Variants in KIRREL2 observed in about 807,000 individuals in gnomAD.
KIRREL2 encodes kin of IRRE-like protein 2.
KIRREL2 carries 56 observed loss-of-function variants against 73.4 expected under a neutral mutation model. That is an observed-to-expected ratio of 0.76 (90% CI 0.62 to 0.95). The LOEUF is 0.95. KIRREL2 is among the 40% of genes least tolerant of loss of function. The pLI is 0.00. For missense variants in KIRREL2, 896 were observed against 935.0 expected, an observed-to-expected ratio of 0.96 and a Z score of 0.54; for synonymous variants, 407 against 404.0, an observed-to-expected ratio of 1.01 and a Z score of -0.09.
chr19:35,858,892 T>G (rs996852482), intron 4 of KIRREL2, 28 bp downstream of exon 4: 1 of 1,611,976 alleles, frequency 6.2e-7, no homozygotes, highest in Admixed American at 1.7e-5. Flanking sequence ...GTGCTAGCCT[T>G]TGCCCATTGA....
chr19:35,866,061 C>T (rs537683764), intron 14 of KIRREL2, 96 bp from the exon 15 acceptor site: 3 of 1,211,128 alleles, frequency 2.5e-6, no homozygotes, highest in South Asian at 2.8e-5. Flanking sequence ...TTTTGTCTCT[C>T]TCAAGGTCTG....
chr19:35,852,776 C>CTCTT (rs754644769), upstream of KIRREL2, among the ~76,000 whole-genome samples: 6 of 152,066 alleles, frequency 3.9e-5, no homozygotes, highest in East Asian at 1.9e-4. Context: ...CTTGGCAAGT[C>CTCTT]TCTTTCTTTC....
chr19:35,859,328 G>A (rs1456048372), intron 4 of KIRREL2, among the ~76,000 whole-genome samples, 153 bp from the exon 5 acceptor site: 1 of 152,112 alleles, frequency 6.6e-6, no homozygotes, highest in African/African-American at 2.4e-5. Flanking sequence ...AAAACATTAT[G>A]AGACTTTTTT....
intron 1 of KIRREL2, 27 bp downstream of exon 1, chr19:35,857,207 A>AGG: frequency 2.0e-6 from 1 of 494,426 alleles, no homozygotes; most frequent in Admixed American, 2.5e-5. Context: ...GCGGAGGAAT[A>AGG]TGGGGTGGGG....
At chr19:35,862,879 C>A in intron 12 of KIRREL2, 48 bp from the exon 13 acceptor site, 1 of 1,146,974 alleles carries the variant, frequency 8.7e-7, no homozygotes, top group Non-Finnish European at 1.3e-6. Context: ...GGTCTGCACA[C>A]ATTGTGACCC....
chr19:35,856,749 A>T (rs567188258), upstream of KIRREL2: 9 of 387,080 alleles, frequency 2.3e-5, no homozygotes, highest in South Asian at 1.9e-4. This position sits in a 1 kb window ranked among gnomAD's most constrained non-coding sequence, Gnocchi z 5.9. Context: ...CGGCTCCCAG[A>T]CCCCAATTGA....
upstream of KIRREL2, among the ~76,000 whole-genome samples, chr19:35,855,688 CACACACACACACACACACAT>C (rs1367902952): frequency 2.1e-4 from 32 of 149,122 alleles, no homozygotes; most frequent in East Asian, 1.5e-3. Flanking sequence ...CACACACACA[CACACACACACACACACACAT>C]ACACACAGGA....
intron 2 of KIRREL2, among the ~76,000 whole-genome samples, chr19:35,858,124 T>C (rs928650806): frequency 2.0e-5 from 3 of 152,088 alleles, no homozygotes; most frequent in Non-Finnish European, 2.9e-5. Context: ...CCGTGTTCCT[T>C]TCCCCTATCA....
At chr19:35,856,688 G>A, upstream of KIRREL2, 1 of 323,140 alleles carries the variant, frequency 3.1e-6, no homozygotes, top group South Asian at 2.6e-5. The surrounding 1 kb of genome is among the most constrained non-coding windows in gnomAD (Gnocchi z 5.9). Flanking sequence ...CCGGCAGGGC[G>A]CAGGTGTCCA....
upstream of KIRREL2, among the ~76,000 whole-genome samples, chr19:35,855,706 C>CACAT (rs1491182830): frequency 0.036 from 3,218 of 90,416 alleles, 90 homozygotes; most frequent in African/African-American, 0.038. Flanking sequence ...CACACACACA[C>CACAT]ATACACACAG....
Position 35,858,551 on chromosome 19 carries a change from G to A in KIRREL2, c.355G>A (p.Val119Met), listed in dbSNP as rs1313602805. The change falls in exon 3 of 15, where the codon GTG becomes ATG. Residue 119 changes from valine (V) to methionine (M), a missense_variant. Transcript: ENST00000360202. ...CCGCTCCAGACCAGCCCAACTGCAC[G>A]TGCTGGGTAAGGACCTCGCCCACTT... ...GLRSRPAQLH[V>M]LVPPEAPQVL... 9 of 1,614,006 alleles carry A rather than the reference G, an allele frequency of 5.6e-6. No homozygotes were observed. The highest frequency in any genetic ancestry group is 2.2e-5 in the East Asian group (1 of 44,904).
chr19:35,852,215 C>T (rs1284703066), upstream of KIRREL2, among the ~76,000 whole-genome samples: 1 of 151,800 alleles, frequency 6.6e-6, no homozygotes, highest in Non-Finnish European at 1.5e-5. Flanking sequence ...AGGCGTGAGC[C>T]ACTGCGCCCA....
At chr19:35,861,693 C>T in intron 10 of KIRREL2, 52 bp downstream of exon 10, 2 of 1,590,632 alleles carry the variant, frequency 1.3e-6, no homozygotes, top group Admixed American at 1.7e-5. Flanking sequence ...TCCCTGACCT[C>T]CCACCTGGCC....
intron 9 of KIRREL2, 114 bp downstream of exon 9, chr19:35,861,368 G>A: frequency 6.7e-7 from 1 of 1,493,902 alleles, no homozygotes; most frequent in Non-Finnish European, 9.0e-7. Context: ...CACCCAGCGG[G>A]GGCTGGAGAC....
chr19:35,859,239 G>T (rs1701688281), intron 4 of KIRREL2, among the ~76,000 whole-genome samples: 1 of 152,222 alleles, frequency 6.6e-6, no homozygotes, highest in African/African-American at 2.4e-5. Context: ...AGGCAAGCTT[G>T]TCCAACCTGC....
rs768612940 is a variant in KIRREL2, at chr19:35,862,566, G to A, written c.1584G>A (p.Gly528=). The A allele has an allele frequency of 1.2e-6, 2 of 1,609,814 alleles. No individual in the cohort carries two copies. The highest frequency in any genetic ancestry group is 2.2e-5 in the East Asian group (1 of 44,870). Residue 528 remains glycine (G), a synonymous_variant, in exon 12 of 15, where the codon GGG becomes GGA. Coordinates refer to ENST00000360202, the MANE Select transcript of KIRREL2 (RefSeq NM_199180.4). ...ATTTLLMVIT[G]VALCCWRHSK... ...CAACTCTCCTTATGGTCATCACTGGGGTGGCCCTCTGCTGCTGGCGCCACA... is the reference window on the plus strand; with the variant it reads ...CAACTCTCCTTATGGTCATCACTGGAGTGGCCCTCTGCTGCTGGCGCCACA...
Position 35,860,787 on chromosome 19 carries a change from A to T in KIRREL2, c.928+120A>T, listed in dbSNP as rs1216776809. ...GAGCGTGGGGTATTAGGAGGAGGAGAGTGTGGAGCTGGGGCATATTCTTGC... is the reference window on the plus strand; with the variant it reads ...GAGCGTGGGGTATTAGGAGGAGGAGTGTGTGGAGCTGGGGCATATTCTTGC... On this transcript the variant is annotated intron_variant, in intron 7 of 14. Transcript: ENST00000360202. 1.9e-6 allele frequency: 3 copies of T among 1,575,564 alleles called. No individual in the cohort carries two copies. In the East Asian group the frequency reaches 6.8e-5, roughly 36 times the overall value.
rs751598227 is a variant in KIRREL2 at position 35,862,507 on chromosome 19, G to T, written c.1525G>T (p.Val509Leu). ...SLGRRDLLPT[V>L]RIVAGVAAAT... ...GCTCCCTGCAGACTTGCTGCCCACT[G>T]TGCGGATAGTGGCCGGAGTGGCCGC... The change falls in exon 12 of 15, where the codon GTG (valine) becomes TTG (leucine). Residue 509 changes from valine to leucine, a missense_variant. By Grantham distance (32) the Val-to-Leu change is conservative. Coordinates refer to ENST00000360202, the MANE Select transcript of KIRREL2 (RefSeq NM_199180.4). The T allele has an allele frequency of 9.3e-6, 15 of 1,609,724 alleles. No individual in the cohort carries two copies. Among genetic ancestry groups the T allele is most frequent in the Non-Finnish European group, 1.3e-5 (15 of 1,179,884 alleles).
At chr19:35,852,439 C>A (rs189786245), upstream of KIRREL2, among the ~76,000 whole-genome samples, 211 of 152,312 alleles carry the variant, frequency 1.4e-3, no homozygotes, top group Admixed American at 2.4e-3. Context: ...CCTAGGAGAG[C>A]GATGAGGCTG....
Sources: allele counts gnomAD v4.1 joint callset (sites outside exome capture counted in the v4.1 genomes callset), GRCh38; gene constraint gnomAD v4.1.1; non-coding constraint Gnocchi (gnomAD v3.1); transcripts MANE v1.5; gene names NCBI Gene and HGNC (gene_info 2026-07-23, HGNC 2026-07-21).